Variants in PKHD1L1 observed in about 807,000 individuals in gnomAD.
PKHD1L1 encodes the protein PKHD1 like 1, also known as fibrocystin-L.
A neutral mutation model predicts 462.9 loss-of-function variants in PKHD1L1; 434 were observed. That is an observed-to-expected ratio of 0.94 (90% CI 0.87 to 1.02). The LOEUF (loss-of-function observed/expected upper bound fraction) is 1.02, where lower values mean the gene tolerates loss of function less well. Among genes scored for constraint, PKHD1L1 ranks in the 50% least tolerant of loss-of-function variants. The pLI, the probability that PKHD1L1 is intolerant of heterozygous loss-of-function variation, is 0.00. For synonymous variants in PKHD1L1, 1,781 were observed against 1,750.0 expected, an observed-to-expected ratio of 1.02 and a Z score of -0.44; for missense variants, 5,202 against 5,096.1, an observed-to-expected ratio of 1.02 and a Z score of -0.63.
intron 9 of PKHD1L1, among the ~76,000 whole-genome samples, chr8:109,393,942 C>T (rs1399673985): frequency 6.6e-6 from 1 of 151,834 alleles, no homozygotes; most frequent in Non-Finnish European, 1.5e-5. Context: ...TTTGGGAGGC[C>T]GAGGATGGAT....
Position 109,439,029 on chromosome 8 carries a change from A to G in PKHD1L1, c.3893A>G (p.Lys1298Arg). ...ACAGATATTAGATGCCTTTTGCCCA[A>G]GTTGTCTCCTGGAAAACATGATATC... is the stretch of plus-strand genomic sequence containing the variant. ...NFTDIRCLLP[K>R]LSPGKHDIYV... The change falls in exon 32 of 78, where the codon AAG becomes AGG. Residue 1298 changes from lysine (K) to arginine (R), a missense_variant. This residue lies in a region of PKHD1L1 where 4,497 missense variants were observed against 4,336.8 expected (regional missense o/e 1.04). Coordinates refer to ENST00000378402, the MANE Select transcript of PKHD1L1 (RefSeq NM_177531.6). 6.2e-7 allele frequency: 1 copy of G among 1,613,676 alleles called. No individual in the cohort carries two copies. The highest frequency in any genetic ancestry group is 1.1e-5 in the South Asian group (1 of 91,048).
Position 109,425,185 on chromosome 8 carries a change from C to T in PKHD1L1, c.2798C>T (p.Pro933Leu), listed in dbSNP as rs1814676184. 1.9e-6 allele frequency: 3 copies of T among 1,608,178 alleles called. No homozygotes were observed. The highest frequency in any genetic ancestry group is 2.5e-6 in the Non-Finnish European group (3 of 1,177,916). Residue 933 changes from proline to leucine, a missense_variant, in exon 24 of 78, where the codon CCT becomes CTT. Physicochemically the swap from Pro to Leu is moderately conservative, Grantham distance 98. This residue lies in a region of PKHD1L1 where 4,497 missense variants were observed against 4,336.8 expected (regional missense o/e 1.04). Coordinates refer to ENST00000378402, the MANE Select transcript of PKHD1L1 (RefSeq NM_177531.6). ...HIQRIQAASP[P>L]LSGSFDIQAY... ...CAAAGAATTCAAGCTGCATCTCCAC[C>T]TCTAAGTGGCAGCTTTGACATTCAA...
chr8:109,484,267 C>T (rs1375490785), intron 57 of PKHD1L1, among the ~76,000 whole-genome samples: 1 of 151,738 alleles, frequency 6.6e-6, no homozygotes, highest in African/African-American at 2.4e-5. Context: ...TATTATTTAT[C>T]CAATTAATAC....
Position 109,533,958 on chromosome 8 carries a change from A to G in PKHD1L1, c.*3868A>G, listed in dbSNP as rs756579858. 1.7e-4 allele frequency among the ~76,000 whole-genome samples: 26 copies of G among 152,204 alleles called. No individual in the cohort carries two copies. The highest frequency in any genetic ancestry group is 1.0e-3 in the Admixed American group (16 of 15,286). On this transcript the variant is annotated 3_prime_UTR_variant, in exon 78 of 78. Transcript: ENST00000378402. ...TGGGTTCCTGACATTGTGGTGCCCT[A>G]TACCAGCCCTTGCTCCTTTAGGGTT...
At chr8:109,521,708 A>T (rs1195065842) in intron 73 of PKHD1L1, among the ~76,000 whole-genome samples, 2 of 152,212 alleles carry the variant, frequency 1.3e-5, no homozygotes, top group Non-Finnish European at 2.9e-5. Context: ...TCAAATGTCC[A>T]AAGCAAGTAA....
chr8:109,456,380 C>G lies in PKHD1L1; in HGVS notation c.6993C>G (p.Ser2331Arg). 6.2e-7 allele frequency: 1 copy of G among 1,605,184 alleles called. No individual in the cohort carries two copies. Among genetic ancestry groups the G allele is most frequent in the Non-Finnish European group, 8.5e-7 (1 of 1,175,364 alleles). ...WKPGDNIVIASTGHRHSQGEN... is the reference protein window; with the variant it reads ...WKPGDNIVIARTGHRHSQGEN... The stretch of plus-strand genomic sequence containing the variant: ...CAGGAGATAACATTGTAATTGCAAG[C>G]ACAGGACACAGGTATGATATCTTCT... The change falls in exon 46 of 78, where the codon AGC (serine) becomes AGG (arginine). Residue 2331 changes from serine to arginine, a missense_variant. Around this residue, in one of 3 missense-constraint regions of PKHD1L1, gnomAD observed 4,497 missense variants for 4,336.8 expected, o/e 1.04. Coordinates refer to ENST00000378402, the MANE Select transcript of PKHD1L1 (RefSeq NM_177531.6).
At chr8:109,422,350 C>G (rs564138786) in intron 23 of PKHD1L1, among the ~76,000 whole-genome samples, 7 of 152,276 alleles carry the variant, frequency 4.6e-5, no homozygotes, top group African/African-American at 1.7e-4. Context: ...CATGCTGTCA[C>G]AGCCATCTCC....
In PKHD1L1 at chr8:109,437,290, C is replaced by T. The variant is rs190209828; in HGVS notation, c.3627+831C>T. Among the ~76,000 whole-genome samples the T allele has an allele frequency of 1.8e-3, 280 of 152,234 alleles. 1 individual carries two copies. Among genetic ancestry groups the T allele is most frequent in the African/African-American group, 6.5e-3 (269 of 41,554 alleles). ...TCAGTTTCACAAAAAAAGTGAAGTT[C>T]TCTGTGGAATATTGTGTCTTAGAAT... On this transcript the variant is annotated intron_variant, in intron 30 of 77. Transcript: ENST00000378402.
rs1297598334 is a variant in PKHD1L1 at position 109,383,155 on chromosome 8, A to G, written c.417+584A>G. 2.8e-3 allele frequency among the ~76,000 whole-genome samples: 170 copies of G among 61,590 alleles called. 1 individual carries two copies. The highest frequency in any genetic ancestry group is 6.9e-3 in the Admixed American group (23 of 3,350). The allele number at this position is 61,590 out of a possible 152,430, so 40.4% of individuals were successfully genotyped here. A position where few individuals can be genotyped will look rare whatever the true frequency, so the allele number is the denominator to read the frequency against. ...ATATATTATTGTATATATTATATAT[A>G]TTTATATATAATATATACAATAATA... On this transcript the variant is annotated intron_variant, in intron 4 of 77. Transcript: ENST00000378402.
intron 2 of PKHD1L1, among the ~76,000 whole-genome samples, chr8:109,375,039 T>C (rs1339642091): frequency 5.3e-5 from 8 of 152,220 alleles, no homozygotes; most frequent in Non-Finnish European, 1.0e-4. Context: ...TGAATCTGAA[T>C]GTTGGCCTGC....
At position 109,498,466 on chromosome 8, in the gene PKHD1L1, C is replaced by A; in HGVS notation, c.10604C>A (p.Ser3535Ter). Residue 3535 changes from serine (S) to a stop codon, truncating the protein, a stop_gained, in exon 66 of 78, where the codon TCA (serine) becomes TAA (stop). Transcript: ENST00000378402. LOFTEE classifies it high-confidence loss of function. The part of the protein sequence containing the change: ...ISSKNVQIKS[S>*]LIVGSSPGFN... Reference sequence around the variant, plus strand: ...GTTTGGCTTATTTCCAAACAGAGCTCATTAATTGTTGGAAGTAGCCCTGGG... The same window carrying A: ...GTTTGGCTTATTTCCAAACAGAGCTAATTAATTGTTGGAAGTAGCCCTGGG... The A allele has an allele frequency of 6.2e-7, 1 of 1,602,648 alleles. No homozygotes were observed. The highest frequency in any genetic ancestry group is 8.5e-7 in the Non-Finnish European group (1 of 1,169,882).
intron 71 of PKHD1L1, among the ~76,000 whole-genome samples, chr8:109,512,233 C>T (rs928284570): frequency 4.5e-4 from 68 of 151,978 alleles, no homozygotes; most frequent in Non-Finnish European, 8.2e-4. Context: ...GCTTTTGTTG[C>T]CATTGCTTTT....
At chr8:109,394,674 G>A (rs2130503365) in intron 10 of PKHD1L1, among the ~76,000 whole-genome samples, 189 bp downstream of exon 10, 1 of 152,208 alleles carries the variant, frequency 6.6e-6, no homozygotes, top group Non-Finnish European at 1.5e-5. Flanking sequence ...CCCCACAGCA[G>A]ACAATATTCT....
intron 32 of PKHD1L1, among the ~76,000 whole-genome samples, chr8:109,439,793 T>C (rs554247049): frequency 6.6e-6 from 1 of 152,258 alleles, no homozygotes; most frequent in African/African-American, 2.4e-5. Context: ...AAAAGGAAGA[T>C]ACTGAAATTT....
rs200865387 is a variant in PKHD1L1 at position 109,491,862 on chromosome 8, T to C, written c.10115-11T>C. ...TGGGGATTTTCTTTCTTTTTTTCTT[T>C]TTTTAAACAGGCATAAGAATATGGG... On this transcript the variant is annotated splice_polypyrimidine_tract_variant and intron_variant, in intron 61 of 77. Transcript: ENST00000378402. 36 of 596,848 alleles carry C rather than the reference T, an allele frequency of 6.0e-5. No individual in the cohort carries two copies. Among genetic ancestry groups the C allele is most frequent in the African/African-American group, 3.8e-4 (10 of 26,626 alleles). The allele number at this position is 596,848 out of a possible 1,614,324, so 37.0% of individuals were successfully genotyped here.
At chr8:109,478,285 A>G (rs1818099520) in intron 53 of PKHD1L1, among the ~76,000 whole-genome samples, 1 of 152,180 alleles carries the variant, frequency 6.6e-6, no homozygotes, top group South Asian at 2.1e-4. Flanking sequence ...AGTATCCACT[A>G]TGTGCCAGGC....
intron 55 of PKHD1L1, chr8:109,480,447 T>A: frequency 2.4e-6 from 1 of 420,474 alleles, no homozygotes; most frequent in South Asian, 2.0e-5. Context: ...CAACAAAGAG[T>A]CCTAGGAGTT....
At chr8:109,404,818 A>C in intron 15 of PKHD1L1, 105 bp downstream of exon 15, 1 of 1,228,292 alleles carries the variant, frequency 8.1e-7, no homozygotes, top group East Asian at 2.7e-5. Flanking sequence ...AGGTGAAAGC[A>C]GTCATGGACA....
intron 50 of PKHD1L1, among the ~76,000 whole-genome samples, chr8:109,473,831 G>A (rs527708913): frequency 1.3e-5 from 2 of 152,254 alleles, no homozygotes; most frequent in East Asian, 3.9e-4. Context: ...ACTCGTTCCA[G>A]GTGTCAGGCA....
Sources: allele counts gnomAD v4.1 joint callset (sites outside exome capture counted in the v4.1 genomes callset), GRCh38; gene constraint gnomAD v4.1.1; regional missense constraint gnomAD v4.1.1; transcripts MANE v1.5; gene names NCBI Gene and HGNC (gene_info 2026-07-23, HGNC 2026-07-21).